Variants in SLC14A2 observed in about 807,000 individuals in gnomAD.
SLC14A2 encodes solute carrier family 14 member 2, also known as urea transporter 2.
A neutral mutation model predicts 104.6 loss-of-function variants in SLC14A2; 91 were observed. The ratio of observed to expected loss-of-function variants is 0.87; its 90% CI spans 0.73 to 1.04. The LOEUF (loss-of-function observed/expected upper bound fraction) is 1.04. SLC14A2 is among the 50% of genes least tolerant of loss of function. SLC14A2 has a pLI of 0.00. For synonymous variants in SLC14A2, 476 were observed against 466.4 expected (o/e 1.02, Z -0.27); for missense variants, 1,189 against 1,156.0 (o/e 1.03, Z -0.41).
At chr18:45,185,185 G>T in the SLC14A2 span, among the ~76,000 whole-genome samples, 1 of 152,162 alleles carries the variant, frequency 6.6e-6, no homozygotes, top group Admixed American at 6.5e-5. Flanking sequence ...TCTCAGAACA[G>T]TCCTTCCTAG....
intron 1 of SLC14A2, among the ~76,000 whole-genome samples, chr18:45,482,148 T>C (rs2087506325): frequency 6.6e-6 from 1 of 152,210 alleles, no homozygotes; most frequent in African/African-American, 2.4e-5. Context: ...GCTATTTTAC[T>C]TCAAGGAATT....
intron 1 of SLC14A2, among the ~76,000 whole-genome samples, chr18:45,479,931 C>T (rs2087460539): frequency 6.6e-6 from 1 of 152,116 alleles, no homozygotes; most frequent in Non-Finnish European, 1.5e-5. Flanking sequence ...TTTATTGCAC[C>T]TCTCGTAAAT....
chr18:45,171,968 T>A, the SLC14A2 span, among the ~76,000 whole-genome samples: 40 of 152,146 alleles, frequency 2.6e-4, no homozygotes, highest in African/African-American at 9.2e-4. Context: ...GGAGGCAGTT[T>A]TTCTCCTGAG....
intron 1 of SLC14A2, among the ~76,000 whole-genome samples, chr18:45,416,758 C>T (rs2086282233): frequency 1.3e-5 from 2 of 152,144 alleles, no homozygotes; most frequent in African/African-American, 2.4e-5. Flanking sequence ...ATATTTTAAG[C>T]TGCCATCAAA....
intron 1 of SLC14A2, among the ~76,000 whole-genome samples, chr18:45,214,609 T>C (rs1308656174): frequency 6.6e-6 from 1 of 152,170 alleles, no homozygotes; most frequent in Non-Finnish European, 1.5e-5. Flanking sequence ...GCATAATCCA[T>C]CACCATGTTA....
At chr18:45,466,391 T>C (rs143313510) in intron 1 of SLC14A2, among the ~76,000 whole-genome samples, 39 of 151,636 alleles carry the variant, frequency 2.6e-4, no homozygotes, top group African/African-American at 9.2e-4. Context: ...CATCAGTAAC[T>C]GGTATCAGTA....
At chr18:45,344,135 T>C (rs990686099) in intron 1 of SLC14A2, among the ~76,000 whole-genome samples, 14 of 152,052 alleles carry the variant, frequency 9.2e-5, no homozygotes, top group Admixed American at 5.2e-4. Context: ...TTATCACTCC[T>C]ACTATGCCCC....
intron 1 of SLC14A2, among the ~76,000 whole-genome samples, chr18:45,469,301 A>C (rs2705363): frequency 2.0e-5 from 3 of 151,924 alleles, no homozygotes; most frequent in Non-Finnish European, 4.4e-5. Context: ...AGAATTGATC[A>C]TAAAGGAAAG....
At chr18:45,402,242 C>A (rs2086104184) in intron 1 of SLC14A2, among the ~76,000 whole-genome samples, 1 of 151,850 alleles carries the variant, frequency 6.6e-6, no homozygotes, top group South Asian at 2.1e-4. Flanking sequence ...TTCCTTTCCT[C>A]CTGCAAAAAA....
intron 1 of SLC14A2, among the ~76,000 whole-genome samples, chr18:45,305,353 G>A (rs1377411999): frequency 1.3e-5 from 2 of 152,190 alleles, no homozygotes; most frequent in Admixed American, 6.5e-5. Context: ...AGTGGTCACT[G>A]GATTTCAAAG....
intron 18 of SLC14A2, 35 bp downstream of exon 18, chr18:45,673,852 TA>T: frequency 6.3e-7 from 1 of 1,597,194 alleles, no homozygotes; most frequent in Admixed American, 1.7e-5. Context: ...GTTTCCTTTA[TA>T]AAAGGCTTTT....
chr18:45,255,115 C>T (rs1451777920), intron 1 of SLC14A2, among the ~76,000 whole-genome samples: 1 of 152,184 alleles, frequency 6.6e-6, no homozygotes, highest in Non-Finnish European at 1.5e-5. Flanking sequence ...CCTTCTCTCT[C>T]TTCTTTTCCC....
chr18:45,503,084 C>A (rs1373086447), intron 2 of SLC14A2, among the ~76,000 whole-genome samples: 1 of 151,990 alleles, frequency 6.6e-6, no homozygotes, highest in Non-Finnish European at 1.5e-5. Context: ...CCTTGGAATT[C>A]TAAGAAGGAA....
At chr18:45,236,176 CAT>C (rs1212617702) in intron 1 of SLC14A2, among the ~76,000 whole-genome samples, 707 of 36,188 alleles carry the variant, frequency 0.02, 151 homozygotes, top group African/African-American at 0.094. Context: ...TGTATATATA[CAT>C]ATATGTGTGT....
At position 45,639,807 on chromosome 18, in the gene SLC14A2, G is replaced by A. The variant is rs1162481224; in HGVS notation, c.905G>A (p.Gly302Asp). 1 of 1,613,890 alleles carries A rather than the reference G, an allele frequency of 6.2e-7. No individual in the cohort carries two copies. Among genetic ancestry groups the A allele is most frequent in the African/African-American group, 1.3e-5 (1 of 74,910 alleles). Reference sequence around the variant, plus strand: ...TATGGCTGTGACAATCCCTGGACAGGCGGCGTGTTCCTGGTGGCTCTGTTC... The same window carrying A: ...TATGGCTGTGACAATCCCTGGACAGACGGCGTGTTCCTGGTGGCTCTGTTC... ...QVYGCDNPWTGGVFLVALFIS... is the reference protein window; with the variant it reads ...QVYGCDNPWTDGVFLVALFIS... The change falls in exon 7 of 20, where the codon GGC becomes GAC. Residue 302 changes from glycine to aspartate, a missense_variant. Transcript: ENST00000255226.
rs867403559 is a variant in SLC14A2 at position 45,236,249 on chromosome 18, A to G, written c.-125+23058A>G. Among the ~76,000 whole-genome samples the G allele has an allele frequency of 3.2e-4, 12 of 37,032 alleles. 2 individuals are homozygous for G. Among genetic ancestry groups the G allele is most frequent in the East Asian group, 2.8e-3 (4 of 1,424 alleles). 24.3% of individuals were successfully genotyped at this position (37,032 alleles called of 152,430 possible). ...TGTGTATATATACATATATGTGTGTATATATGTGTATATATACATGTATGT... is the reference window on the plus strand; with the variant it reads ...TGTGTATATATACATATATGTGTGTGTATATGTGTATATATACATGTATGT... On this transcript the variant is annotated intron_variant, in intron 1 of 20. Coordinates refer to the SLC14A2 transcript ENST00000586448.
rs185198880 is a variant in SLC14A2, at chr18:45,367,348, C to T, written c.-124-115885C>T. On this transcript the variant is annotated intron_variant, in intron 1 of 20. Coordinates refer to the SLC14A2 transcript ENST00000586448. ...TTCCTATAGGTTATGGAAGAATGAG[C>T]GTCCTTGCCTCCTTATATCTTTCTC... is the stretch of plus-strand genomic sequence containing the variant. 1.8e-3 allele frequency among the ~76,000 whole-genome samples: 273 copies of T among 152,214 alleles called. 1 individual carries two copies. Among genetic ancestry groups the T allele is most frequent in the African/African-American group, 6.4e-3 (266 of 41,526 alleles).
chr18:45,672,821 A>T (rs1531926), intron 16 of SLC14A2, 79 bp from the exon 17 acceptor site: 2 of 1,348,612 alleles, frequency 1.5e-6, no homozygotes, highest in Admixed American at 2.2e-5. Flanking sequence ...GGAAGGGTTC[A>T]GTGCCAAGTC....
chr18:45,217,646 T>C (rs1320549688), intron 1 of SLC14A2, among the ~76,000 whole-genome samples: 1 of 152,226 alleles, frequency 6.6e-6, no homozygotes, highest in Non-Finnish European at 1.5e-5. Context: ...AAGTTACTCA[T>C]AGACATGTTT....
Sources: allele counts gnomAD v4.1 joint callset (sites outside exome capture counted in the v4.1 genomes callset), GRCh38; gene constraint gnomAD v4.1.1; transcripts MANE v1.5; gene names NCBI Gene and HGNC (gene_info 2026-07-23, HGNC 2026-07-21).